The following PHTF2 variants were observed in gnomAD, a reference collection of about 807,000 sequenced individuals.
PHTF2 encodes the protein protein PHTF2.
Under a neutral mutation model 101.2 loss-of-function variants are expected in PHTF2, and 60 were observed. That is an observed-to-expected ratio of 0.59 (90% confidence interval 0.48 to 0.73). The LOEUF (loss-of-function observed/expected upper bound fraction) is 0.73. Among genes scored for constraint, PHTF2 ranks in the 30% least tolerant of loss-of-function variants. The probability of loss-of-function intolerance (pLI) is 0.00; values close to 1 mark genes in which losing one functional copy is unlikely to be tolerated. For synonymous variants in PHTF2, 311 were observed against 307.3 expected, an observed-to-expected ratio of 1.01 and a Z score of -0.13; for missense variants, 747 against 908.7, an observed-to-expected ratio of 0.82 and a Z score of 2.29.
At chr7:77,807,718 T>C (rs1350226635) in intron 1 of PHTF2, among the ~76,000 whole-genome samples, 1 of 152,206 alleles carries the variant, frequency 6.6e-6, no homozygotes, top group Non-Finnish European at 1.5e-5. Flanking sequence ...GTCCCATTTG[T>C]CTATGTTTGC....
At chr7:77,921,734 A>G (rs1328282885) in intron 10 of PHTF2, among the ~76,000 whole-genome samples, 1 of 152,198 alleles carries the variant, frequency 6.6e-6, no homozygotes, top group Non-Finnish European at 1.5e-5. Flanking sequence ...TTACCTAGTA[A>G]AGTTGTATGA....
intron 11 of PHTF2, among the ~76,000 whole-genome samples, chr7:77,927,625 A>G (rs1804183362): frequency 6.6e-6 from 1 of 152,212 alleles, no homozygotes; most frequent in African/African-American, 2.4e-5. Flanking sequence ...CACTTCAGGA[A>G]CAAAGTGATC....
intron 2 of PHTF2, among the ~76,000 whole-genome samples, chr7:77,840,714 T>C (rs138657136): frequency 1.1e-3 from 165 of 152,132 alleles, no homozygotes; most frequent in African/African-American, 3.7e-3. Flanking sequence ...GGAACTCTAT[T>C]TTACAAACTG....
At chr7:77,887,440 C>A (rs1799967916) in intron 3 of PHTF2, among the ~76,000 whole-genome samples, 1 of 147,964 alleles carries the variant, frequency 6.8e-6, no homozygotes, top group Non-Finnish European at 1.5e-5. Context: ...TTTTTTAAAT[C>A]AGTTTTGACC....
At chr7:77,946,220 G>A (rs1806039509) in intron 16 of PHTF2, among the ~76,000 whole-genome samples, 1 of 152,184 alleles carries the variant, frequency 6.6e-6, no homozygotes, top group African/African-American at 2.4e-5. Flanking sequence ...ATCAATAGAT[G>A]CAGAAAACAA....
intron 17 of PHTF2, among the ~76,000 whole-genome samples, chr7:77,950,810 A>G (rs12667313): frequency 0.089 from 13,507 of 152,056 alleles, 762 homozygotes; most frequent in South Asian, 0.18. Flanking sequence ...TGGTTTACAC[A>G]CGGTTTTGGT....
chr7:77,877,675 A>C (rs1238853572), intron 3 of PHTF2, among the ~76,000 whole-genome samples: 1 of 152,106 alleles, frequency 6.6e-6, no homozygotes, highest in Non-Finnish European at 1.5e-5. Flanking sequence ...GCCAGGAAAA[A>C]CCACCATGGT....
chr7:77,902,033 TAA>T, intron 7 of PHTF2, 113 bp downstream of exon 6: 1 of 454,768 alleles, frequency 2.2e-6, no homozygotes, highest in Non-Finnish European at 3.8e-6. Context: ...ATAAGTATGT[TAA>T]TAAAGGCACA....
intron 1 of PHTF2, among the ~76,000 whole-genome samples, chr7:77,815,985 A>G (rs192321771): frequency 6.6e-6 from 1 of 151,850 alleles, no homozygotes; most frequent in Admixed American, 6.6e-5. Context: ...TCAGTTAGAT[A>G]TTGTAAGGTA....
chr7:77,942,740 C>T, exon 16 of PHTF2: 1 of 1,603,630 alleles, frequency 6.2e-7, no homozygotes, highest in Non-Finnish European at 8.5e-7. Context: ...ATAGTTTCAT[C>T]TGCTTTCTTA....
chr7:77,902,895 A>G (rs946489630), intron 7 of PHTF2, among the ~76,000 whole-genome samples: 1 of 152,170 alleles, frequency 6.6e-6, no homozygotes, highest in Admixed American at 6.5e-5. Flanking sequence ...GGTGTGGACT[A>G]TGATAATTTT....
At chr7:77,811,390 A>G (rs912240912) in intron 1 of PHTF2, among the ~76,000 whole-genome samples, 4 of 152,238 alleles carry the variant, frequency 2.6e-5, no homozygotes, top group African/African-American at 9.6e-5. Context: ...TAATTAATAC[A>G]TACTGTGGCT....
At chr7:77,952,823 C>T (rs1469058884) in intron 18 of PHTF2, among the ~76,000 whole-genome samples, 7 of 152,110 alleles carry the variant, frequency 4.6e-5, no homozygotes, top group African/African-American at 1.7e-4. Context: ...TAGATCGTAC[C>T]TTCTTTCTCT....
rs551523131 is a variant in PHTF2, at chr7:77,892,094, G to A, written c.148-1514G>A. 1.1e-4 allele frequency among the ~76,000 whole-genome samples: 16 copies of A among 152,240 alleles called. No individual in the cohort carries two copies. The South Asian group carries it at 3.1e-3, about 30-fold the overall frequency. ...AGATCGAGACCATCCTGGCTAATGC[G>A]GTGAAACACCGTCTGTACTAAAAAT... On this transcript the variant is annotated intron_variant, in intron 3 of 19. Transcript: ENST00000416283.
intron 1 of PHTF2, among the ~76,000 whole-genome samples, chr7:77,824,622 A>G (rs542295625): frequency 2.0e-5 from 3 of 152,272 alleles, no homozygotes. Flanking sequence ...ATGTTTCACC[A>G]TGATGGCCAG....
chr7:77,949,040 G>T (rs566741247), intron 16 of PHTF2, among the ~76,000 whole-genome samples: 1 of 152,266 alleles, frequency 6.6e-6, no homozygotes, highest in Admixed American at 6.5e-5. Context: ...TAATGATAGG[G>T]TTGACCAATA....
chr7:77,888,850 C>T (rs910008460), intron 3 of PHTF2, among the ~76,000 whole-genome samples: 1 of 145,564 alleles, frequency 6.9e-6, no homozygotes, highest in African/African-American at 2.7e-5. Flanking sequence ...GAGACCCTGT[C>T]TCAACAAATT....
intron 1 of PHTF2, among the ~76,000 whole-genome samples, chr7:77,808,815 A>C (rs1353215753): frequency 6.6e-6 from 1 of 152,148 alleles, no homozygotes; most frequent in Admixed American, 6.5e-5. Context: ...CACTTGGACA[A>C]TCATAGGGCT....
At chr7:77,840,640 T>G (rs530199379) in intron 2 of PHTF2, among the ~76,000 whole-genome samples, 120 of 152,184 alleles carry the variant, frequency 7.9e-4, no homozygotes, top group African/African-American at 2.7e-3. Context: ...ATATCAATAG[T>G]TTTTAATTTG....
Sources: allele counts gnomAD v4.1 joint callset (sites outside exome capture counted in the v4.1 genomes callset), GRCh38; gene constraint gnomAD v4.1.1; transcripts MANE v1.5; gene names NCBI Gene and HGNC (gene_info 2026-07-23, HGNC 2026-07-21).